Variants in SLC10A1 observed in about 807,000 individuals in gnomAD.
The protein encoded by SLC10A1 is hepatic sodium/bile acid cotransporter.
In SLC10A1, 36 loss-of-function variants were observed where a neutral mutation model predicts 20.5. The observed-to-expected ratio is 1.75, with a 90% CI of 1.34 to 2.32. The LOEUF (loss-of-function observed/expected upper bound fraction) is 2.32. Ranked by LOEUF, SLC10A1 falls within the 30% of genes most tolerant of loss-of-function variation. The probability of loss-of-function intolerance (pLI) is 0.00; values close to 1 mark genes in which losing one functional copy is unlikely to be tolerated. For missense variants in SLC10A1, 545 were observed against 439.1 expected, an observed-to-expected ratio of 1.24 and a Z score of -2.16; for synonymous variants, 188 against 163.6, an observed-to-expected ratio of 1.15 and a Z score of -1.14.
At chr14:69,781,170 C>T (rs1445975036) in intron 2 of SLC10A1, among the ~76,000 whole-genome samples, 1 of 152,182 alleles carries the variant, frequency 6.6e-6, no homozygotes, top group African/African-American at 2.4e-5. Flanking sequence ...ACTGTAACTC[C>T]TGTTATTACT....
intron 1 of SLC10A1, among the ~76,000 whole-genome samples, chr14:69,793,397 T>G (rs1882320296): frequency 6.6e-6 from 1 of 152,102 alleles, no homozygotes; most frequent in Non-Finnish European, 1.5e-5. Flanking sequence ...CTGGTTGCCT[T>G]TCAGGGGGAA....
At chr14:69,783,457 A>G (rs1883644073) in intron 2 of SLC10A1, among the ~76,000 whole-genome samples, 1 of 152,170 alleles carries the variant, frequency 6.6e-6, no homozygotes, top group Admixed American at 6.5e-5. Context: ...GGGAGGCGCT[A>G]TTTGTGTTGA....
chr14:69,781,875 G>A (rs940283983), intron 2 of SLC10A1, among the ~76,000 whole-genome samples: 1 of 152,202 alleles, frequency 6.6e-6, no homozygotes. Context: ...AATGCAACTG[G>A]TTGAACCCGG....
intron 2 of SLC10A1, among the ~76,000 whole-genome samples, chr14:69,784,244 T>C (rs1883661194): frequency 6.6e-6 from 1 of 152,118 alleles, no homozygotes; most frequent in South Asian, 2.1e-4. Flanking sequence ...GCAGCAGAGC[T>C]TAGAGTCACT....
intron 1 of SLC10A1, among the ~76,000 whole-genome samples, chr14:69,788,667 C>T (rs1006444093): frequency 2.6e-5 from 4 of 151,946 alleles, no homozygotes; most frequent in Non-Finnish European, 5.9e-5. Flanking sequence ...GTCTCAGCCT[C>T]CCGAGTAGCT....
chr14:69,782,808 G>GA (rs35397817), intron 2 of SLC10A1, among the ~76,000 whole-genome samples: 2,318 of 102,512 alleles, frequency 0.023, 41 homozygotes, highest in Middle Eastern at 0.06. Flanking sequence ...ACTCCGTCTC[G>GA]AAAAAAAAAA....
chr14:69,787,659 A>C (rs1883753684), intron 1 of SLC10A1, among the ~76,000 whole-genome samples: 1 of 152,212 alleles, frequency 6.6e-6, no homozygotes, highest in African/African-American at 2.4e-5. Context: ...TCCCTCAAAG[A>C]AAATTGTGAA....
chr14:69,789,206 G>C (rs1220183426), intron 1 of SLC10A1, among the ~76,000 whole-genome samples: 3 of 152,070 alleles, frequency 2.0e-5, no homozygotes, highest in Non-Finnish European at 2.9e-5. Flanking sequence ...TCTACTCTTA[G>C]GTATATATCC....
In SLC10A1 at chr14:69,779,299, A is replaced by G. The variant is rs1047765368; in HGVS notation, c.629T>C (p.Val210Ala). The change falls in exon 3 of 5, where the codon GTG becomes GCG. Residue 210 changes from valine to alanine, a missense_variant. Physicochemically the swap from Val to Ala is moderately conservative, Grantham distance 64. Transcript: ENST00000216540. The stretch of plus-strand genomic sequence containing the variant: ...CATGGCAAACATGATGCTCTTCCCC[A>G]CATTGATGGCAGAGAGAACTGTGAC... ...VAVTVLSAIN[V>A]GKSIMFAMTP... The G allele has an allele frequency of 6.2e-7, 1 of 1,613,966 alleles. No individual in the cohort carries two copies. The highest frequency in any genetic ancestry group is 8.5e-7 in the Non-Finnish European group (1 of 1,179,910).
chr14:69,790,445 A>C (rs2139720355), intron 1 of SLC10A1, among the ~76,000 whole-genome samples: 1 of 152,266 alleles, frequency 6.6e-6, no homozygotes, highest in African/African-American at 2.4e-5. Flanking sequence ...ATAATAAAAT[A>C]TTAGCAAATA....
intron 1 of SLC10A1, among the ~76,000 whole-genome samples, chr14:69,793,470 C>T (rs1882321892): frequency 6.6e-6 from 1 of 152,048 alleles, no homozygotes; most frequent in African/African-American, 2.4e-5. Context: ...CAGCATAGAC[C>T]TTGCTTTTGG....
At chr14:69,788,482 G>A (rs1208142397) in intron 1 of SLC10A1, among the ~76,000 whole-genome samples, 1 of 151,648 alleles carries the variant, frequency 6.6e-6, no homozygotes, top group Non-Finnish European at 1.5e-5. Flanking sequence ...CAAGAGAATG[G>A]GAGGAAATAT....
chr14:69,785,860 C>T (rs1883699272), intron 2 of SLC10A1, among the ~76,000 whole-genome samples: 1 of 151,750 alleles, frequency 6.6e-6, no homozygotes, highest in Non-Finnish European at 1.5e-5. Flanking sequence ...CCACCCGCCT[C>T]AACTTCCCAA....
chr14:69,785,459 C>A (rs1883689489), intron 2 of SLC10A1, among the ~76,000 whole-genome samples: 1 of 152,190 alleles, frequency 6.6e-6, no homozygotes, highest in Non-Finnish European at 1.5e-5. Flanking sequence ...GCCTCAAGCC[C>A]TTCCTTTTTA....
Position 69,797,159 on chromosome 14 carries a change from C to T in SLC10A1, c.-4G>A. 6.2e-7 allele frequency: 1 copy of T among 1,601,904 alleles called. No homozygotes were observed. The highest frequency in any genetic ancestry group is 8.5e-7 in the Non-Finnish European group (1 of 1,173,050). ...CAGACGCGTTGTGGGCCTCCATCCT[C>T]CTGTGAGGCAGTGGAAGACCACTCC... On this transcript the variant is annotated 5_prime_UTR_variant, in exon 1 of 5. Coordinates refer to ENST00000216540, the MANE Select transcript of SLC10A1 (RefSeq NM_003049.4).
intron 1 of SLC10A1, 74 bp downstream of exon 1, chr14:69,796,726 G>C: frequency 7.8e-7 from 1 of 1,273,956 alleles, no homozygotes; most frequent in Admixed American, 2.2e-5. Flanking sequence ...CTTTAGCCCA[G>C]CTCTTCCCCT....
At position 69,776,094 on chromosome 14, in the gene SLC10A1, G is replaced by A. The variant is rs1002057362; in HGVS notation, c.*188C>T. On this transcript the variant is annotated 3_prime_UTR_variant, in exon 5 of 5. Transcript: ENST00000216540. ...AATAAGTAGCAAATTCTAAGTTGGG[G>A]ATAGGTGAGGCTTCTTGGGTAGACA... 6 of 564,968 alleles carry A rather than the reference G, an allele frequency of 1.1e-5. No homozygotes were observed. Among genetic ancestry groups the A allele is most frequent in the African/African-American group, 9.5e-5 (5 of 52,660 alleles). 35.0% of individuals were successfully genotyped at this position (564,968 alleles called of 1,614,324 possible). A position where few individuals can be genotyped will look rare whatever the true frequency, so the allele number is the denominator to read the frequency against.
intron 2 of SLC10A1, among the ~76,000 whole-genome samples, chr14:69,780,313 C>G (rs922632923): frequency 6.6e-6 from 1 of 152,192 alleles, no homozygotes; most frequent in South Asian, 2.1e-4. Context: ...TAGAGAATTG[C>G]GTCCTCCAAA....
At position 69,779,240 on chromosome 14, in the gene SLC10A1, G is replaced by T. The variant is rs866997727; in HGVS notation, c.688C>A (p.Pro230Thr). 6.2e-7 allele frequency: 1 copy of T among 1,613,826 alleles called. No homozygotes were observed. The highest frequency in any genetic ancestry group is 1.1e-5 in the South Asian group (1 of 91,042). The change falls in exon 3 of 5, where the codon CCT becomes ACT. Residue 230 changes from proline (P) to threonine (T), a missense_variant. Coordinates refer to ENST00000216540, the MANE Select transcript of SLC10A1 (RefSeq NM_003049.4). ...TAACCCAGCAGAAAGCCAATAAAAG[G>T]CATCAGGGAGGAGGTGGCAATCAAG... ...PLLIATSSLM[P>T]FIGFLLGYVL...
Sources: gnomAD v4.1 joint callset for allele counts (sites outside exome capture counted in the v4.1 genomes callset) on GRCh38, gnomAD v4.1.1 for gene constraint, MANE v1.5 for transcripts, NCBI Gene and HGNC (gene_info 2026-07-23, HGNC 2026-07-21) for gene names.